FER1L6: variants seen among roughly 807,000 people sequenced by gnomAD.
FER1L6 encodes fer-1-like protein 6.
Under a neutral mutation model 219.2 loss-of-function variants are expected in FER1L6, and 177 were observed. That is an observed-to-expected ratio of 0.81 (90% CI 0.71 to 0.91). The LOEUF is 0.91. FER1L6 is among the 40% of genes least tolerant of loss of function. FER1L6 has a pLI of 0.00. For missense variants in FER1L6, 2,153 were observed against 2,259.9 expected (o/e 0.95, Z 0.96); for synonymous variants, 768 against 824.3 (o/e 0.93, Z 1.17).
chr8:124,063,019 T>G (rs1340125453), intron 25 of FER1L6, among the ~76,000 whole-genome samples: 1 of 152,252 alleles, frequency 6.6e-6, no homozygotes, highest in Non-Finnish European at 1.5e-5. Context: ...TGGACACAAA[T>G]TAGTATCTAA....
rs916902055 is a variant in FER1L6, at chr8:124,075,378, A to G, written c.4093-820A>G. ...CCTAGGCCTACACAGGGTCAGGATC[A>G]TCAATATCACTGTGTTCTACCTCCC... On this transcript the variant is annotated intron_variant, in intron 31 of 40. Transcript: ENST00000522917. 5.3e-5 allele frequency among the ~76,000 whole-genome samples: 8 copies of G among 152,310 alleles called. No homozygotes were observed. In the East Asian group the frequency reaches 1.5e-3, roughly 29 times the overall value.
intron 11 of FER1L6, among the ~76,000 whole-genome samples, chr8:123,981,528 G>A (rs776490292): frequency 6.6e-5 from 10 of 152,132 alleles, no homozygotes; most frequent in African/African-American, 1.9e-4. Flanking sequence ...AAGTGTGCTC[G>A]GTCAACTAGG....
chr8:123,922,881 G>A (rs79800730), intron 1 of FER1L6, among the ~76,000 whole-genome samples: 6,825 of 152,194 alleles, frequency 0.045, 483 homozygotes, highest in African/African-American at 0.15. Context: ...TGAACTCAAA[G>A]TGTGTAATCC....
chr8:124,114,649 T>C (rs1297246662), intron 39 of FER1L6, among the ~76,000 whole-genome samples: 1 of 152,014 alleles, frequency 6.6e-6, no homozygotes, highest in Non-Finnish European at 1.5e-5. Context: ...ATAAGACTTT[T>C]TCTGAGTTTT....
At chr8:123,989,080 G>A (rs1313256240) in intron 12 of FER1L6, among the ~76,000 whole-genome samples, 1 of 152,042 alleles carries the variant, frequency 6.6e-6, no homozygotes, top group Non-Finnish European at 1.5e-5. Flanking sequence ...ACATAAATTG[G>A]AATGATCATA....
intron 12 of FER1L6, among the ~76,000 whole-genome samples, chr8:123,990,924 C>G (rs72714675): frequency 0.015 from 2,264 of 152,270 alleles, 23 homozygotes; most frequent in South Asian, 0.034. Context: ...TATTCTTCTA[C>G]GTGTGGCTAT....
At chr8:123,883,704 G>A (rs747450755) in intron 1 of FER1L6, among the ~76,000 whole-genome samples, 1 of 152,192 alleles carries the variant, frequency 6.6e-6, no homozygotes, top group Non-Finnish European at 1.5e-5. Context: ...AGTGTCTGGT[G>A]AGGGTTCAGT....
At chr8:124,107,991 A>C (rs1432458616) in intron 39 of FER1L6, among the ~76,000 whole-genome samples, 1 of 152,176 alleles carries the variant, frequency 6.6e-6, no homozygotes, top group Non-Finnish European at 1.5e-5. Context: ...TGTCCTAGGG[A>C]TTGTGATCAG....
At chr8:123,918,002 G>A (rs1274683023) in intron 1 of FER1L6, among the ~76,000 whole-genome samples, 1 of 152,084 alleles carries the variant, frequency 6.6e-6, no homozygotes, top group East Asian at 1.9e-4. Flanking sequence ...TTGTGAAGTG[G>A]GCATCTTTTC....
intron 19 of FER1L6, among the ~76,000 whole-genome samples, chr8:124,037,480 G>C (rs1211624610): frequency 6.6e-6 from 1 of 152,188 alleles, no homozygotes; most frequent in Non-Finnish European, 1.5e-5. Flanking sequence ...TGTGGCAGTG[G>C]GGACAGAGGG....
At chr8:124,068,353 C>A (rs1820911955) in intron 28 of FER1L6, among the ~76,000 whole-genome samples, 1 of 152,302 alleles carries the variant, frequency 6.6e-6, no homozygotes, top group East Asian at 1.9e-4. Context: ...CTAATTAGCA[C>A]ATGTAATTCT....
At chr8:124,085,846 T>C (rs1438628951) in intron 33 of FER1L6, among the ~76,000 whole-genome samples, 1 of 152,180 alleles carries the variant, frequency 6.6e-6, no homozygotes, top group Non-Finnish European at 1.5e-5. Context: ...ATTATTGTAT[T>C]GGGGTGTATC....
chr8:123,966,371 G>C, intron 5 of FER1L6, 81 bp downstream of exon 5: 1 of 1,566,280 alleles, frequency 6.4e-7, no homozygotes, highest in Non-Finnish European at 8.7e-7. Context: ...GTCAAACAAA[G>C]AGCTGTGCCC....
rs1815381334 is a variant in FER1L6, at chr8:123,963,214, T to C, written c.77-64T>C. The C allele has an allele frequency of 3.1e-6, 5 of 1,601,792 alleles. No individual in the cohort carries two copies. The African/African-American group carries it at 4.0e-5, about 13-fold the overall frequency. Reference sequence around the variant, plus strand: ...TGCCTGCCACAGGGCTGGCATAAGGTAGAGGCTCGATTGCCACCACATGTC... The same window carrying C: ...TGCCTGCCACAGGGCTGGCATAAGGCAGAGGCTCGATTGCCACCACATGTC... On this transcript the variant is annotated intron_variant, in intron 2 of 40. Coordinates refer to ENST00000522917, the MANE Select transcript of FER1L6 (RefSeq NM_001039112.2).
chr8:123,881,622 A>C (rs187942230), intron 1 of FER1L6, among the ~76,000 whole-genome samples: 1 of 152,258 alleles, frequency 6.6e-6, no homozygotes, highest in African/African-American at 2.4e-5. Flanking sequence ...CCTTAGACCC[A>C]CACAAAGGAA....
At chr8:123,910,732 A>G (rs1396085887) in intron 1 of FER1L6, among the ~76,000 whole-genome samples, 2 of 152,208 alleles carry the variant, frequency 1.3e-5, no homozygotes, top group Non-Finnish European at 2.9e-5. Flanking sequence ...GTTAGATGGC[A>G]TGCAACTGGG....
At position 124,009,037 on chromosome 8, in the gene FER1L6, A is replaced by G. The variant is rs897949730; in HGVS notation, c.1701-1557A>G. 2.0e-5 allele frequency among the ~76,000 whole-genome samples: 3 copies of G among 152,356 alleles called. 1 individual carries two copies. In the South Asian group the frequency reaches 6.2e-4, roughly 32 times the overall value. On this transcript the variant is annotated intron_variant, in intron 13 of 40. Transcript: ENST00000522917. ...ATTATCAAAAAAATAAAAAAAATAG[A>G]TGTTGGCATGAATGCAGTGAAAAGG...
At chr8:123,910,446 T>C (rs1813031490) in intron 1 of FER1L6, among the ~76,000 whole-genome samples, 1 of 152,214 alleles carries the variant, frequency 6.6e-6, no homozygotes, top group Non-Finnish European at 1.5e-5. Context: ...CCGGAGTTGC[T>C]TTGGGTCAAG....
intron 1 of FER1L6, among the ~76,000 whole-genome samples, chr8:123,866,229 T>A (rs1345028290): frequency 6.6e-6 from 1 of 152,110 alleles, no homozygotes; most frequent in East Asian, 1.9e-4. Context: ...TAGCACGGTG[T>A]CCTTCCTTTC....
Sources: allele counts gnomAD v4.1 joint callset (sites outside exome capture counted in the v4.1 genomes callset), GRCh38; gene constraint gnomAD v4.1.1; transcripts MANE v1.5; gene names NCBI Gene and HGNC (gene_info 2026-07-23, HGNC 2026-07-21).